MYO6: variants seen among roughly 807,000 people sequenced by gnomAD.
The protein encoded by MYO6 is myosin VI.
MYO6 carries 74 observed loss-of-function variants against 178.7 expected under a neutral mutation model. That is an observed-to-expected ratio of 0.41 (90% CI 0.34 to 0.50). The LOEUF (loss-of-function observed/expected upper bound fraction) is 0.50. Among genes scored for constraint, MYO6 ranks in the 20% least tolerant of loss-of-function variants. MYO6 has a pLI of 0.09. For synonymous variants in MYO6, 477 were observed against 504.6 expected (o/e 0.95, Z 0.73); for missense variants, 1,330 against 1,547.4 (o/e 0.86, Z 2.36).
Position 75,835,929 on chromosome 6 carries a change from C to T in MYO6, c.526C>T (p.Gln176Ter). ...CCTGACTGAATCCTATGGAACAGGT[C>T]AAGATATTGATGACAGAATTGTTGA... ...RYLTESYGTG[Q>*]DIDDRIVEAN... The change falls in exon 7 of 35, where the codon CAA becomes TAA. Residue 176 changes from glutamine to a stop codon, truncating the protein, a stop_gained. Coordinates refer to ENST00000369977, the MANE Select transcript of MYO6 (RefSeq NM_004999.4). LOFTEE classifies it high-confidence loss of function. 1.2e-6 allele frequency: 2 copies of T among 1,607,566 alleles called. No homozygotes were observed. Among genetic ancestry groups the T allele is most frequent in the Non-Finnish European group, 1.7e-6 (2 of 1,174,158 alleles).
chr6:75,762,642 C>T (rs1778053041), intron 1 of MYO6, among the ~76,000 whole-genome samples: 1 of 152,216 alleles, frequency 6.6e-6, no homozygotes, highest in Non-Finnish European at 1.5e-5. Flanking sequence ...ACCCACTTCC[C>T]TTCTGAGCCA....
intron 7 of MYO6, among the ~76,000 whole-genome samples, chr6:75,838,128 C>T (rs1450466958): frequency 6.6e-6 from 1 of 151,250 alleles, no homozygotes; most frequent in East Asian, 1.9e-4. Context: ...TCTTGGCTCA[C>T]TGTAACCTCT....
chr6:75,881,076 A>G (rs998929266), intron 22 of MYO6, among the ~76,000 whole-genome samples: 3 of 151,968 alleles, frequency 2.0e-5, no homozygotes, highest in Non-Finnish European at 4.4e-5. Context: ...ACATGGCAAA[A>G]CCTCATCTCT....
In MYO6 at chr6:75,869,640, A is replaced by G. The variant is rs1776975320; in HGVS notation, c.1945-1007A>G. Reference sequence around the variant, plus strand: ...TAAAATCCAGATAGAAAAATTTTACATAATTAACTTATTTTGCAGAGTAGT... The same window carrying G: ...TAAAATCCAGATAGAAAAATTTTACGTAATTAACTTATTTTGCAGAGTAGT... On this transcript the variant is annotated intron_variant, in intron 18 of 34. Coordinates refer to ENST00000369977, the MANE Select transcript of MYO6 (RefSeq NM_004999.4). 3.3e-5 allele frequency among the ~76,000 whole-genome samples: 5 copies of G among 152,312 alleles called. No homozygotes were observed. In the South Asian group the frequency reaches 8.3e-4, roughly 25 times the overall value.
chr6:75,907,208 T>A (rs989041884), intron 30 of MYO6, among the ~76,000 whole-genome samples: 4 of 152,200 alleles, frequency 2.6e-5, no homozygotes, highest in Non-Finnish European at 5.9e-5. Context: ...TAAACAAAAC[T>A]TTAATATGCT....
chr6:75,860,920 A>G (rs957937498), intron 14 of MYO6, 103 bp from the exon 15 acceptor site: 58 of 908,884 alleles, frequency 6.4e-5, no homozygotes, highest in Non-Finnish European at 9.2e-5. Flanking sequence ...CAGTTTGTAT[A>G]AACCTTTGCA....
intron 18 of MYO6, among the ~76,000 whole-genome samples, chr6:75,869,764 T>G (rs1187188187): frequency 6.6e-6 from 1 of 152,162 alleles, no homozygotes; most frequent in Non-Finnish European, 1.5e-5. Flanking sequence ...CATTGTCAAT[T>G]TTTTTTGAGA....
intron 1 of MYO6, among the ~76,000 whole-genome samples, chr6:75,817,215 G>C (rs1449932783): frequency 6.6e-6 from 1 of 151,594 alleles, no homozygotes; most frequent in Non-Finnish European, 1.5e-5. Flanking sequence ...TGAGGCAGGA[G>C]AATGGCGTGA....
At chr6:75,912,759 A>G (rs1780857097) in intron 33 of MYO6, among the ~76,000 whole-genome samples, 1 of 152,268 alleles carries the variant, frequency 6.6e-6, no homozygotes, top group African/African-American at 2.4e-5. Flanking sequence ...AAAAGTAGAA[A>G]CACTGAACTG....
chr6:75,765,067 A>G (rs1305051685), intron 1 of MYO6, among the ~76,000 whole-genome samples: 1 of 151,640 alleles, frequency 6.6e-6, no homozygotes, highest in Admixed American at 6.6e-5. Context: ...CTGAAAGTTA[A>G]TTCATAAGTC....
In MYO6 at chr6:75,895,090, T is replaced by C. The variant is rs960047810; in HGVS notation, c.3108-141T>C. ...TGAATACTTAAAAATATATTAAAAT[T>C]CTGAGTGATCTCATGTTGATTACAA... is the stretch of plus-strand genomic sequence containing the variant. On this transcript the variant is annotated intron_variant, in intron 28 of 34. Transcript: ENST00000369977. 16 of 657,048 alleles carry C rather than the reference T, an allele frequency of 2.4e-5. No homozygotes were observed. The African/African-American group carries it at 2.8e-4, about 11-fold the overall frequency. 40.7% of individuals were successfully genotyped at this position (657,048 alleles called of 1,614,324 possible).
At chr6:75,829,291 C>T (rs1340036081) in intron 4 of MYO6, among the ~76,000 whole-genome samples, 1 of 152,054 alleles carries the variant, frequency 6.6e-6, no homozygotes, top group Admixed American at 6.6e-5. Context: ...ATTCTTTGGG[C>T]ATGCATGAGA....
intron 18 of MYO6, among the ~76,000 whole-genome samples, chr6:75,868,260 G>A (rs761943959): frequency 1.3e-5 from 2 of 151,636 alleles, no homozygotes; most frequent in East Asian, 3.9e-4. Flanking sequence ...CTTGAATTTT[G>A]TTATAAGTTA....
At chr6:75,862,071 T>C (rs1776254607) in intron 15 of MYO6, among the ~76,000 whole-genome samples, 2 of 152,220 alleles carry the variant, frequency 1.3e-5, no homozygotes, top group South Asian at 4.1e-4. Flanking sequence ...TTTGTTCCAC[T>C]TAATCATTGT....
chr6:75,752,078 C>T (rs891942297), intron 1 of MYO6, among the ~76,000 whole-genome samples: 2 of 151,710 alleles, frequency 1.3e-5, no homozygotes, highest in South Asian at 4.2e-4. Context: ...CTGCAACCTC[C>T]GTCTCCTGGG....
intron 1 of MYO6, among the ~76,000 whole-genome samples, chr6:75,752,772 C>T (rs1009457226): frequency 6.6e-5 from 10 of 152,056 alleles, no homozygotes; most frequent in African/African-American, 1.4e-4. Flanking sequence ...TCTCATTTCT[C>T]GTATAGTTCT....
chr6:75,840,933 T>C (rs1446649996), intron 8 of MYO6, among the ~76,000 whole-genome samples: 1 of 152,204 alleles, frequency 6.6e-6, no homozygotes, highest in Non-Finnish European at 1.5e-5. Flanking sequence ...TTCTAGCACC[T>C]GTGTTGAGGT....
chr6:75,856,849 G>A (rs551581581), intron 12 of MYO6, among the ~76,000 whole-genome samples: 1 of 152,168 alleles, frequency 6.6e-6, no homozygotes, highest in South Asian at 2.1e-4. Flanking sequence ...TGTAAATTAA[G>A]GTCAAAATGA....
At chr6:75,849,126 A>G (rs1234796141) in intron 11 of MYO6, among the ~76,000 whole-genome samples, 1 of 152,206 alleles carries the variant, frequency 6.6e-6, no homozygotes, top group Non-Finnish European at 1.5e-5. Flanking sequence ...ATGGCAAACT[A>G]TGAACCACAG....
Sources: allele counts gnomAD v4.1 joint callset (sites outside exome capture counted in the v4.1 genomes callset), GRCh38; gene constraint gnomAD v4.1.1; transcripts MANE v1.5; gene names NCBI Gene and HGNC (gene_info 2026-07-23, HGNC 2026-07-21).